The following EXOC4 variants were observed in gnomAD, a reference collection of about 807,000 sequenced individuals.
EXOC4 encodes the protein SEC8-like 1.
Under a neutral mutation model 107.2 loss-of-function variants are expected in EXOC4, and 71 were observed. The ratio of observed to expected loss-of-function variants is 0.66; its 90% CI spans 0.55 to 0.81. The LOEUF (loss-of-function observed/expected upper bound fraction) is 0.81. Ranked by LOEUF, EXOC4 falls within the 30% of genes least tolerant of loss-of-function variation. EXOC4 has a pLI of 0.00. For synonymous variants in EXOC4, 456 were observed against 441.2 expected (o/e 1.03, Z -0.42); for missense variants, 1,108 against 1,189.6 (o/e 0.93, Z 1.01).
At chr7:133,587,633 G>T (rs1421059339) in intron 9 of EXOC4, among the ~76,000 whole-genome samples, 1 of 152,174 alleles carries the variant, frequency 6.6e-6, no homozygotes, top group African/African-American at 2.4e-5. Flanking sequence ...GAACCTATCA[G>T]CAAAATCAGA....
chr7:133,559,395 C>G (rs2345667), intron 9 of EXOC4, among the ~76,000 whole-genome samples: 34,602 of 152,032 alleles, frequency 0.23, 4,567 homozygotes, highest in African/African-American at 0.35. Context: ...TGTATTACAT[C>G]TAGGCCTTTA....
At chr7:133,903,711 A>T (rs1353270122) in intron 12 of EXOC4, among the ~76,000 whole-genome samples, 1 of 152,212 alleles carries the variant, frequency 6.6e-6, no homozygotes, top group Non-Finnish European at 1.5e-5. Context: ...GATATTTGGC[A>T]GCCATCAACA....
intron 5 of EXOC4, among the ~76,000 whole-genome samples, chr7:133,326,716 C>A (rs1795251847): frequency 6.6e-6 from 1 of 152,164 alleles, no homozygotes; most frequent in Non-Finnish European, 1.5e-5. Flanking sequence ...GCTGGGAGAA[C>A]CACTACAAAC....
chr7:134,007,936 G>A, intron 17 of EXOC4, 101 bp downstream of exon 17: 1 of 1,129,244 alleles, frequency 8.9e-7, no homozygotes, highest in African/African-American at 1.6e-5. Context: ...AAAAAGCTTA[G>A]TTTAAAAAAA....
chr7:133,684,350 T>C (rs1309418732), intron 10 of EXOC4, among the ~76,000 whole-genome samples: 1 of 152,200 alleles, frequency 6.6e-6, no homozygotes, highest in Non-Finnish European at 1.5e-5. Flanking sequence ...ATATTATGTG[T>C]AAACTTGATA....
chr7:133,345,581 C>T (rs555337917), intron 5 of EXOC4, among the ~76,000 whole-genome samples: 2 of 152,208 alleles, frequency 1.3e-5, no homozygotes, highest in African/African-American at 4.8e-5. Flanking sequence ...AGATCATGTA[C>T]ATTAAGTGCT....
At chr7:133,590,107 G>C (rs1801505936) in intron 9 of EXOC4, among the ~76,000 whole-genome samples, 1 of 151,900 alleles carries the variant, frequency 6.6e-6, no homozygotes, top group Admixed American at 6.6e-5. Context: ...TCCTCTCCTT[G>C]TCTAAGTCTC....
At chr7:133,729,610 C>A (rs886781833) in intron 10 of EXOC4, among the ~76,000 whole-genome samples, 26 of 152,110 alleles carry the variant, frequency 1.7e-4, no homozygotes, top group Admixed American at 3.9e-4. Context: ...TCTGGCATGA[C>A]TGGAAGGGAG....
At chr7:133,897,726 A>G (rs1371513317) in intron 12 of EXOC4, among the ~76,000 whole-genome samples, 3 of 130,926 alleles carry the variant, frequency 2.3e-5, no homozygotes, top group African/African-American at 1.0e-4. Flanking sequence ...TTTTTAATTG[A>G]CAAATAATAA....
chr7:134,086,927 T>G, the EXOC4 span, among the ~76,000 whole-genome samples: 1 of 152,180 alleles, frequency 6.6e-6, no homozygotes, highest in East Asian at 1.9e-4. Context: ...TTGTAAACTG[T>G]CATGGTACTG....
At chr7:133,384,798 G>A (rs1796691718) in intron 7 of EXOC4, among the ~76,000 whole-genome samples, 3 of 146,696 alleles carry the variant, frequency 2.0e-5, no homozygotes, top group Non-Finnish European at 3.0e-5. Context: ...TGAGTATAGC[G>A]ATAGTTCTTC....
chr7:133,509,402 T>A (rs976585722), intron 9 of EXOC4, among the ~76,000 whole-genome samples: 4 of 151,590 alleles, frequency 2.6e-5, no homozygotes, highest in East Asian at 1.9e-4. Context: ...CACTCCAGCC[T>A]GGGCAACAGA....
intron 10 of EXOC4, among the ~76,000 whole-genome samples, chr7:133,648,769 C>T (rs529048042): frequency 1.3e-5 from 2 of 152,084 alleles, no homozygotes; most frequent in African/African-American, 2.4e-5. Context: ...ACTTGCTTAT[C>T]CTTTTCTGAA....
At chr7:133,724,028 A>G (rs1174304990) in intron 10 of EXOC4, among the ~76,000 whole-genome samples, 1 of 152,210 alleles carries the variant, frequency 6.6e-6, no homozygotes, top group Non-Finnish European at 1.5e-5. Context: ...AAAAAAACTT[A>G]CATGCATTTG....
intron 5 of EXOC4, among the ~76,000 whole-genome samples, chr7:133,322,655 G>A (rs899776427): frequency 6.6e-6 from 1 of 152,150 alleles, no homozygotes; most frequent in Admixed American, 6.5e-5. Context: ...GTAGTGTGAT[G>A]CCTCCAGCTT....
chr7:133,621,224 C>T (rs1439578353), intron 9 of EXOC4, among the ~76,000 whole-genome samples: 1 of 152,154 alleles, frequency 6.6e-6, no homozygotes, highest in Non-Finnish European at 1.5e-5. Flanking sequence ...TTCCACTCCT[C>T]TTTTAATTTA....
chr7:133,512,831 A>C (rs910775746), intron 9 of EXOC4, among the ~76,000 whole-genome samples: 4 of 152,160 alleles, frequency 2.6e-5, no homozygotes. Context: ...GTTAAAATGG[A>C]AAATAAATCA....
intron 13 of EXOC4, among the ~76,000 whole-genome samples, chr7:133,934,999 C>T (rs1343997930): frequency 6.6e-6 from 1 of 151,364 alleles, no homozygotes; most frequent in East Asian, 1.9e-4. Context: ...CAGCTACTAA[C>T]AGAAACTTGA....
intron 9 of EXOC4, among the ~76,000 whole-genome samples, chr7:133,484,969 A>G (rs1799239552): frequency 1.3e-5 from 2 of 151,490 alleles, no homozygotes; most frequent in African/African-American, 4.9e-5. Flanking sequence ...AATCCCAGCT[A>G]CTTGGGAGGC....
Sources: allele counts gnomAD v4.1 joint callset (sites outside exome capture counted in the v4.1 genomes callset), GRCh38; gene constraint gnomAD v4.1.1; transcripts MANE v1.5; gene names NCBI Gene and HGNC (gene_info 2026-07-23, HGNC 2026-07-21).